PTK2: variants seen among roughly 807,000 people sequenced by gnomAD.
PTK2 encodes protein tyrosine kinase 2, also known as focal adhesion kinase 1.
In PTK2, 45 loss-of-function variants were observed where a neutral mutation model predicts 150.1. The observed-to-expected ratio is 0.30, with a 90% confidence interval of 0.24 to 0.38. The LOEUF (loss-of-function observed/expected upper bound fraction) is 0.38, where lower values mean the gene tolerates loss of function less well. PTK2 is among the 10% of genes least tolerant of loss of function. The pLI, the probability that PTK2 is intolerant of heterozygous loss-of-function variation, is 1.00. For synonymous variants in PTK2, 432 were observed against 449.2 expected (o/e 0.96, Z 0.48); for missense variants, 919 against 1,307.3 (o/e 0.70, Z 4.58).
intron 2 of PTK2, among the ~76,000 whole-genome samples, chr8:140,907,068 A>G (rs1303363427): frequency 2.0e-5 from 3 of 152,228 alleles, no homozygotes; most frequent in Non-Finnish European, 4.4e-5. Context: ...AGTACTGTGA[A>G]GACAGATGCT....
intron 30 of PTK2, among the ~76,000 whole-genome samples, chr8:140,667,752 C>A (rs1433456538): frequency 6.6e-6 from 1 of 152,172 alleles, no homozygotes; most frequent in Non-Finnish European, 1.5e-5. Context: ...ACATACCCAA[C>A]CCTTAGCTTA....
chr8:140,975,763 T>A (rs572104649), intron 1 of PTK2, among the ~76,000 whole-genome samples: 1 of 152,260 alleles, frequency 6.6e-6, no homozygotes, highest in East Asian at 1.9e-4. Flanking sequence ...GCCCTCCAGA[T>A]TGCCTGAGCA....
chr8:140,964,263 A>G (rs900345798), intron 1 of PTK2, among the ~76,000 whole-genome samples: 2 of 152,124 alleles, frequency 1.3e-5, no homozygotes, highest in African/African-American at 4.8e-5. Context: ...GTCTTGCTCT[A>G]TCTTCCAGGC....
At chr8:140,791,701 A>G (rs1485032975) in intron 13 of PTK2, among the ~76,000 whole-genome samples, 1 of 152,190 alleles carries the variant, frequency 6.6e-6, no homozygotes, top group Non-Finnish European at 1.5e-5. Context: ...ACAGGAAGTG[A>G]TGTAGAATGC....
intron 2 of PTK2, among the ~76,000 whole-genome samples, chr8:140,900,858 T>C (rs2100158176): frequency 6.6e-6 from 1 of 151,504 alleles, no homozygotes. Flanking sequence ...TTCAATGGAA[T>C]CCCTATCAAA....
At chr8:140,698,920 T>C (rs902529899) in intron 26 of PTK2, among the ~76,000 whole-genome samples, 7 of 147,268 alleles carry the variant, frequency 4.8e-5, no homozygotes, top group Non-Finnish European at 8.9e-5. Context: ...TGCCTAATTT[T>C]TGTATTTTTT....
intron 5 of PTK2, among the ~76,000 whole-genome samples, chr8:140,855,413 C>G (rs4961299): frequency 0.96 from 145,914 of 152,108 alleles, 70,189 homozygotes; most frequent in Non-Finnish European, 1. Flanking sequence ...GGCCAACATG[C>G]TGAAACCCCA....
chr8:140,885,676 T>C lies in PTK2; in HGVS notation c.195+4867A>G, dbSNP rs560285270. Among the ~76,000 whole-genome samples, 16 of 152,282 alleles carry C rather than the reference T, an allele frequency of 1.1e-4. No individual in the cohort carries two copies. In the South Asian group the frequency reaches 3.1e-3, roughly 30 times the overall value. On this transcript the variant is annotated intron_variant, in intron 3 of 31. Coordinates refer to ENST00000522684, the Ensembl canonical transcript of PTK2. ...GTCCTTGTAGGCCACAAAAGGAATC[T>C]GGCTTTTAGTCTGGGAGAAATGGGG...
intron 14 of PTK2, among the ~76,000 whole-genome samples, chr8:140,773,010 T>C (rs943689282): frequency 6.6e-6 from 1 of 152,166 alleles, no homozygotes; most frequent in African/African-American, 2.4e-5. Context: ...ATTAAGGAGG[T>C]TGGGAAAGGA....
At chr8:140,846,509 C>T (rs933304115) in intron 6 of PTK2, 90 bp downstream of exon 6, 1 of 1,222,832 alleles carries the variant, frequency 8.2e-7, no homozygotes, top group Non-Finnish European at 1.2e-6. Context: ...ACTGATAATC[C>T]TTATGAAGAA....
chr8:140,727,295 T>C (rs1184893254), intron 22 of PTK2, among the ~76,000 whole-genome samples: 3 of 152,178 alleles, frequency 2.0e-5, no homozygotes, highest in Non-Finnish European at 2.9e-5. Flanking sequence ...AGAAACAATT[T>C]ACGTTTTACA....
exon 9 of PTK2, chr8:140,818,898 G>A (rs1300223774): frequency 1.9e-6 from 3 of 1,613,444 alleles, no homozygotes; most frequent in East Asian, 2.2e-5. Flanking sequence ...CACACTTGAA[G>A]CATTCCTTAT....
chr8:140,888,127 C>T (rs1273530393), intron 3 of PTK2, among the ~76,000 whole-genome samples: 4 of 152,200 alleles, frequency 2.6e-5, no homozygotes, highest in African/African-American at 9.6e-5. Context: ...ACTTCCTGTT[C>T]TAAGGTCATC....
At chr8:140,923,674 T>C (rs1042819226) in intron 2 of PTK2, among the ~76,000 whole-genome samples, 14 of 152,222 alleles carry the variant, frequency 9.2e-5, no homozygotes, top group Non-Finnish European at 1.5e-4. Flanking sequence ...TTCTACATAC[T>C]AATATAAAAG....
At chr8:140,671,212 A>C (rs1346923273) in intron 29 of PTK2, among the ~76,000 whole-genome samples, 1 of 152,226 alleles carries the variant, frequency 6.6e-6, no homozygotes, top group Non-Finnish European at 1.5e-5. Context: ...TTATACATAA[A>C]AGTAAATATT....
intron 24 of PTK2, among the ~76,000 whole-genome samples, chr8:140,705,351 A>T (rs1210509180): frequency 6.6e-6 from 1 of 152,216 alleles, no homozygotes; most frequent in Non-Finnish European, 1.5e-5. Flanking sequence ...TACAGACATT[A>T]CGAGTAAAAA....
chr8:140,835,750 A>G (rs546876372), intron 7 of PTK2, among the ~76,000 whole-genome samples: 2 of 152,270 alleles, frequency 1.3e-5, no homozygotes, highest in East Asian at 1.9e-4. Context: ...ATTATTATGT[A>G]ATGTTGTTTC....
At chr8:140,916,847 A>G (rs1013257659) in intron 2 of PTK2, among the ~76,000 whole-genome samples, 1 of 152,208 alleles carries the variant, frequency 6.6e-6, no homozygotes, top group African/African-American at 2.4e-5. Context: ...ATTTTAGCTG[A>G]GCAACAATTG....
chr8:140,900,358 T>C (rs2100157940), intron 2 of PTK2, among the ~76,000 whole-genome samples: 1 of 152,088 alleles, frequency 6.6e-6, no homozygotes, highest in Non-Finnish European at 1.5e-5. Context: ...AAATATCAAA[T>C]ACCTAGGAGT....
Sources: gnomAD v4.1 joint callset for allele counts (sites outside exome capture counted in the v4.1 genomes callset) on GRCh38, gnomAD v4.1.1 for gene constraint, MANE v1.5 for transcripts, NCBI Gene and HGNC (gene_info 2026-07-23, HGNC 2026-07-21) for gene names.